Variants in ABCC4 observed in about 807,000 individuals in gnomAD.
The protein encoded by ABCC4 is ATP binding cassette subfamily C member 4 (PEL blood group).
A neutral mutation model predicts 168.5 loss-of-function variants in ABCC4; 102 were observed. The observed-to-expected ratio is 0.61, with a 90% CI of 0.52 to 0.71. The LOEUF is 0.71. Ranked by LOEUF, ABCC4 falls within the 30% of genes least tolerant of loss-of-function variation. The pLI is 0.00. For synonymous variants in ABCC4, 617 were observed against 590.7 expected (o/e 1.04, Z -0.65); for missense variants, 1,402 against 1,605.8 (o/e 0.87, Z 2.17).
chr13:95,129,438 A>G (rs953319893), intron 19 of ABCC4, among the ~76,000 whole-genome samples: 1 of 152,168 alleles, frequency 6.6e-6, no homozygotes, highest in African/African-American at 2.4e-5. Flanking sequence ...TTTCAGATGG[A>G]CTGCAAATAT....
chr13:95,078,541 G>T (rs769809127), intron 21 of ABCC4, among the ~76,000 whole-genome samples: 23 of 152,212 alleles, frequency 1.5e-4, no homozygotes, highest in Non-Finnish European at 2.9e-4. Context: ...CAGGTGACAT[G>T]ACCGTAAGAG....
At chr13:95,261,483 G>A (rs2040530607) in intron 1 of ABCC4, among the ~76,000 whole-genome samples, 2 of 152,010 alleles carry the variant, frequency 1.3e-5, no homozygotes, top group Non-Finnish European at 1.5e-5. Flanking sequence ...TAGCATAGCA[G>A]TAACATAAAA....
chr13:95,081,124 A>G (rs1751052), intron 21 of ABCC4, among the ~76,000 whole-genome samples: 124,498 of 151,838 alleles, frequency 0.82, 52,586 homozygotes, highest in Non-Finnish European at 0.92. Flanking sequence ...ATCAGGGTAC[A>G]GGAACACCCA....
At chr13:95,295,269 A>G (rs1055431508) in intron 1 of ABCC4, among the ~76,000 whole-genome samples, 6 of 152,306 alleles carry the variant, frequency 3.9e-5, no homozygotes, top group Non-Finnish European at 7.4e-5. Context: ...CAATGTCAGC[A>G]CTTTGGGAGG....
intron 4 of ABCC4, among the ~76,000 whole-genome samples, chr13:95,216,296 C>T (rs1279550381): frequency 6.6e-6 from 1 of 152,162 alleles, no homozygotes; most frequent in African/African-American, 2.4e-5. Context: ...AAAGAGTTCA[C>T]ATCCAATGTA....
At chr13:95,053,277 A>C in intron 26 of ABCC4, 93 bp from the exon 27 acceptor site, 1 of 954,406 alleles carries the variant, frequency 1.0e-6, no homozygotes, top group Non-Finnish European at 1.7e-6. Context: ...GATACCAAAA[A>C]ATAAAATTCA....
At chr13:95,130,288 T>C (rs1173927360) in intron 19 of ABCC4, among the ~76,000 whole-genome samples, 8 of 152,138 alleles carry the variant, frequency 5.3e-5, no homozygotes, top group Non-Finnish European at 1.2e-4. Context: ...ATACAAACTA[T>C]GAACCAAAAA....
At chr13:95,144,910 G>A (rs114998231) in intron 19 of ABCC4, among the ~76,000 whole-genome samples, 2,542 of 151,854 alleles carry the variant, frequency 0.017, 50 homozygotes, top group African/African-American at 0.054. Flanking sequence ...AAAAAATAGC[G>A]TCCAAAGAGC....
rs2037431436 is a variant in ABCC4 at position 95,170,539 on chromosome 13, A to G, written c.1817T>C (p.Leu606Ser). The G allele has an allele frequency of 1.2e-6, 2 of 1,609,156 alleles. No individual in the cohort carries two copies. The highest frequency in any genetic ancestry group is 2.7e-5 in the African/African-American group (2 of 74,970). The change falls in exon 14 of 31, where the codon TTG (leucine) becomes TCG (serine). Residue 606 changes from leucine (L) to serine (S), a missense_variant. Around this residue, in one of 3 missense-constraint regions of ABCC4, gnomAD observed 1,007 missense variants for 1,127.3 expected, o/e 0.89. Transcript: ENST00000645237. ...CCTCTAGAAACTACTTACATCTTTC[A>G]ATATCAGAATCTGACTTGCAGCTTT... is the stretch of plus-strand genomic sequence containing the variant. Reference protein sequence around the residue: ...YLKAASQILILKDGKMVQKGT... With the variant: ...YLKAASQILISKDGKMVQKGT...
intron 1 of ABCC4, among the ~76,000 whole-genome samples, chr13:95,248,642 C>G (rs1319519305): frequency 6.6e-6 from 1 of 151,716 alleles, no homozygotes; most frequent in Non-Finnish European, 1.5e-5. Context: ...GGCATAGTGG[C>G]TCACACCTGT....
At chr13:95,050,695 G>A (rs957235506) in intron 27 of ABCC4, among the ~76,000 whole-genome samples, 15 of 152,128 alleles carry the variant, frequency 9.9e-5, no homozygotes, top group Admixed American at 2.6e-4. Flanking sequence ...TTCTGAGGGG[G>A]ACCTACCACG....
At chr13:95,127,604 T>C (rs567838562) in intron 19 of ABCC4, among the ~76,000 whole-genome samples, 2 of 152,254 alleles carry the variant, frequency 1.3e-5, no homozygotes, top group South Asian at 4.1e-4. Flanking sequence ...AATATCTGCC[T>C]CTTTCCACTC....
chr13:95,046,791 G>C (rs1307894024), intron 27 of ABCC4, among the ~76,000 whole-genome samples: 1 of 151,782 alleles, frequency 6.6e-6, no homozygotes, highest in Non-Finnish European at 1.5e-5. Flanking sequence ...TGAATGTGAA[G>C]GCCCTCTGTA....
At chr13:95,064,893 T>G (rs534439478) in intron 25 of ABCC4, among the ~76,000 whole-genome samples, 1 of 152,332 alleles carries the variant, frequency 6.6e-6, no homozygotes, top group Non-Finnish European at 1.5e-5. Flanking sequence ...CTCTGGAGAA[T>G]ATCACTAATA....
At position 95,029,207 on chromosome 13, in the gene ABCC4, T is replaced by G. The variant is rs1287738473; in HGVS notation, c.3870+5398A>C. ...ATATATATATATATATATATATATA[T>G]ATATATAGAGAGAGAGAGAGAGAGA... is the stretch of plus-strand genomic sequence containing the variant. On this transcript the variant is annotated intron_variant, in intron 30 of 30. Transcript: ENST00000645237. Among the ~76,000 whole-genome samples the G allele has an allele frequency of 1.9e-4, 10 of 52,324 alleles. 1 individual carries two copies. Among genetic ancestry groups the G allele is most frequent in the African/African-American group, 2.9e-4 (4 of 13,734 alleles). 34.3% of individuals were successfully genotyped at this position (52,324 alleles called of 152,430 possible).
At chr13:95,116,609 GA>G (rs1454193949) in intron 19 of ABCC4, among the ~76,000 whole-genome samples, 2 of 152,092 alleles carry the variant, frequency 1.3e-5, no homozygotes, top group Non-Finnish European at 2.9e-5. Flanking sequence ...TCTTATCTAA[GA>G]ACACAAGAGG....
intron 20 of ABCC4, among the ~76,000 whole-genome samples, chr13:95,112,949 T>C (rs1333097319): frequency 6.6e-6 from 1 of 152,088 alleles, no homozygotes; most frequent in African/African-American, 2.4e-5. Flanking sequence ...ATCCAGGAAA[T>C]TTCCTACTAT....
At chr13:95,038,321 G>A (rs2032207899) in intron 29 of ABCC4, among the ~76,000 whole-genome samples, 1 of 145,318 alleles carries the variant, frequency 6.9e-6, no homozygotes, top group African/African-American at 2.6e-5. Context: ...TAGATGCTGT[G>A]GAAGAGGCAA....
rs11568689 is a variant in ABCC4, at chr13:95,247,049, G to C, written c.232C>G (p.Pro78Ala). 2.0e-4 allele frequency: 328 copies of C among 1,613,104 alleles called. 3 individuals carry two copies. The East Asian group carries it at 6.3e-3, about 31-fold the overall frequency. The stretch of plus-strand genomic sequence containing the variant: ...TTTATGATTGCTCTTGTTAAAGAAG[G>C]CTTCTGTGCGTCATTCTCAGCTCTT... The part of the protein sequence containing the change: ...VLRAENDAQK[P>A]SLTRAIIKCY... The change falls in exon 3 of 31, where the codon CCT becomes GCT. Residue 78 changes from proline (P) to alanine (A), a missense_variant. By Grantham distance (27) the Pro-to-Ala change is conservative. This residue lies in a region of ABCC4 where 317 missense variants were observed against 345.5 expected (regional missense o/e 0.92). Transcript: ENST00000645237.
Sources: gnomAD v4.1 joint callset for allele counts (sites outside exome capture counted in the v4.1 genomes callset) on GRCh38, gnomAD v4.1.1 for gene constraint, gnomAD v4.1.1 regional missense constraint, MANE v1.5 for transcripts, NCBI Gene and HGNC (gene_info 2026-07-23, HGNC 2026-07-21) for gene names.